CNTNAP5: variants seen among roughly 807,000 people sequenced by gnomAD.
The protein encoded by CNTNAP5 is contactin-associated protein-like 5.
A neutral mutation model predicts 150.2 loss-of-function variants in CNTNAP5; 72 were observed. The ratio of observed to expected loss-of-function variants is 0.48; its 90% CI spans 0.40 to 0.58. CNTNAP5 has a LOEUF of 0.58. CNTNAP5 is among the 20% of genes least tolerant of loss of function. The probability of loss-of-function intolerance (pLI) is 0.00; values close to 1 mark genes in which losing one functional copy is unlikely to be tolerated. For missense variants in CNTNAP5, 1,636 were observed against 1,626.2 expected (o/e 1.01, Z -0.10); for synonymous variants, 672 against 619.8 (o/e 1.08, Z -1.25).
At chr2:124,410,729 A>G (rs1236864401) in intron 3 of CNTNAP5, among the ~76,000 whole-genome samples, 1 of 151,682 alleles carries the variant, frequency 6.6e-6, no homozygotes, top group Non-Finnish European at 1.5e-5. Flanking sequence ...CATTCAGAGC[A>G]GTGTGTAGAG....
In CNTNAP5 at chr2:124,025,387, G is replaced by T; in HGVS notation, c.-264G>T. ...TGGATTTGCACCGTTAAGGAGGGGG[G>T]AAGAGAAGGAAGAGGCGGGCGAGGA... On this transcript the variant is annotated 5_prime_UTR_variant, in exon 1 of 24. Transcript: ENST00000682447. 1 of 531,688 alleles carries T rather than the reference G, an allele frequency of 1.9e-6. No individual in the cohort carries two copies. Among genetic ancestry groups the T allele is most frequent in the East Asian group, 3.3e-5 (1 of 30,490 alleles). 32.9% of individuals were successfully genotyped at this position (531,688 alleles called of 1,614,324 possible).
rs1160207751 is a variant in CNTNAP5 at position 124,917,174 on chromosome 2, C to G, written c.*2886C>G. ...TTTCCCAACTACATGCTCTGGCCAACTGGGCCACCATGATCTCTTCCACTT... is the reference window on the plus strand; with the variant it reads ...TTTCCCAACTACATGCTCTGGCCAAGTGGGCCACCATGATCTCTTCCACTT... On this transcript the variant is annotated 3_prime_UTR_variant, in exon 24 of 24. Transcript: ENST00000682447. Among the ~76,000 whole-genome samples, 5 of 151,968 alleles carry G rather than the reference C, an allele frequency of 3.3e-5. No homozygotes were observed. Among genetic ancestry groups the G allele is most frequent in the Admixed American group, 3.3e-4 (5 of 15,234 alleles).
chr2:124,614,220 C>T (rs1249079717), intron 12 of CNTNAP5, among the ~76,000 whole-genome samples: 2 of 152,084 alleles, frequency 1.3e-5, no homozygotes, highest in African/African-American at 2.4e-5. Context: ...GGTTTTATTT[C>T]ACACCACTGC....
intron 17 of CNTNAP5, among the ~76,000 whole-genome samples, chr2:124,780,239 G>A (rs967222645): frequency 6.6e-6 from 1 of 152,146 alleles, no homozygotes; most frequent in Non-Finnish European, 1.5e-5. Context: ...TCTTAAATAA[G>A]AATGGCAAGC....
At chr2:124,097,540 G>A (rs766311709) in intron 1 of CNTNAP5, among the ~76,000 whole-genome samples, 1 of 152,122 alleles carries the variant, frequency 6.6e-6, no homozygotes, top group Non-Finnish European at 1.5e-5. Context: ...CCACTGTAAG[G>A]ACATGCTGGC....
chr2:124,615,350 T>C (rs907154019), intron 12 of CNTNAP5, among the ~76,000 whole-genome samples: 1 of 152,248 alleles, frequency 6.6e-6, no homozygotes, highest in Non-Finnish European at 1.5e-5. Flanking sequence ...GCTTGTGGAA[T>C]ATTCTAAACC....
intron 1 of CNTNAP5, among the ~76,000 whole-genome samples, chr2:124,215,163 C>A (rs551382666): frequency 2.2e-4 from 33 of 152,098 alleles, no homozygotes; most frequent in Non-Finnish European, 2.9e-4. Flanking sequence ...ACAAAGTAGG[C>A]TATTAAGTGT....
intron 1 of CNTNAP5, among the ~76,000 whole-genome samples, chr2:124,093,681 G>A (rs906981686): frequency 1.3e-5 from 2 of 152,116 alleles, no homozygotes; most frequent in Admixed American, 6.5e-5. Context: ...TGCAAATCTC[G>A]ACCTTGAACT....
chr2:124,385,401 A>G (rs1178099944), intron 3 of CNTNAP5, among the ~76,000 whole-genome samples: 6 of 152,160 alleles, frequency 3.9e-5, no homozygotes, highest in Non-Finnish European at 8.8e-5. Flanking sequence ...CATGCCTATT[A>G]TCTCTGGCAC....
intron 13 of CNTNAP5, among the ~76,000 whole-genome samples, chr2:124,683,971 G>A (rs1281933350): frequency 6.6e-6 from 1 of 152,124 alleles, no homozygotes; most frequent in Non-Finnish European, 1.5e-5. Context: ...TCCGCACAAG[G>A]CCTGGGGATG....
chr2:124,845,079 A>G (rs942842779), intron 19 of CNTNAP5, among the ~76,000 whole-genome samples: 38 of 151,930 alleles, frequency 2.5e-4, no homozygotes, highest in Admixed American at 2.2e-3. Context: ...AATACTTTCA[A>G]TTTTTCCTCA....
chr2:124,517,046 AT>A (rs766414644), intron 8 of CNTNAP5, among the ~76,000 whole-genome samples: 32 of 152,022 alleles, frequency 2.1e-4, no homozygotes, highest in Non-Finnish European at 4.0e-4. Context: ...GGTGATGGGG[AT>A]TTGTAGTGTT....
chr2:124,881,254 C>T (rs1677958320), intron 21 of CNTNAP5, among the ~76,000 whole-genome samples: 1 of 152,002 alleles, frequency 6.6e-6, no homozygotes, highest in South Asian at 2.1e-4. Flanking sequence ...TATGCTAATG[C>T]CTAACCTTTG....
chr2:124,275,122 A>G (rs1232242742), intron 3 of CNTNAP5, among the ~76,000 whole-genome samples: 1 of 152,108 alleles, frequency 6.6e-6, no homozygotes, highest in African/African-American at 2.4e-5. Flanking sequence ...CATATTCACT[A>G]TCATGAGAAC....
intron 3 of CNTNAP5, among the ~76,000 whole-genome samples, chr2:124,319,205 T>C (rs1298262222): frequency 6.6e-6 from 1 of 152,236 alleles, no homozygotes; most frequent in African/African-American, 2.4e-5. Context: ...TTTCTGTAAG[T>C]GGCTTTTCCT....
At chr2:124,027,363 C>A (rs1212200839) in intron 1 of CNTNAP5, among the ~76,000 whole-genome samples, 1 of 152,178 alleles carries the variant, frequency 6.6e-6, no homozygotes, top group Non-Finnish European at 1.5e-5. Flanking sequence ...AGCAAGCTAG[C>A]TGTGTTTTCC....
chr2:124,186,751 T>C (rs776390655), intron 1 of CNTNAP5, among the ~76,000 whole-genome samples: 148 of 130,738 alleles, frequency 1.1e-3, no homozygotes, highest in Non-Finnish European at 2.1e-3. Flanking sequence ...CCAAATTAAA[T>C]AAGCTTCATG....
chr2:124,637,153 A>T (rs1373790729), intron 12 of CNTNAP5, among the ~76,000 whole-genome samples: 1 of 152,120 alleles, frequency 6.6e-6, no homozygotes, highest in Non-Finnish European at 1.5e-5. Context: ...GTTTTATAGC[A>T]GTGTCTATTT....
rs1471320482 is a variant in CNTNAP5, at chr2:124,919,693, T to A, written c.*5405T>A. ...ATATCATGGGCTTTGCATGAATAAT[T>A]CTTTACTCACATTTGCATGATTTTT... On this transcript the variant is annotated 3_prime_UTR_variant, in exon 24 of 24. Coordinates refer to ENST00000682447, the MANE Select transcript of CNTNAP5 (RefSeq NM_001367498.1). Among the ~76,000 whole-genome samples, 1 of 151,874 alleles carries A rather than the reference T, an allele frequency of 6.6e-6. No individual in the cohort carries two copies. Among genetic ancestry groups the A allele is most frequent in the African/African-American group, 2.4e-5 (1 of 41,358 alleles).
Sources: gnomAD v4.1 joint callset for allele counts (sites outside exome capture counted in the v4.1 genomes callset) on GRCh38, gnomAD v4.1.1 for gene constraint, MANE v1.5 for transcripts, NCBI Gene and HGNC (gene_info 2026-07-23, HGNC 2026-07-21) for gene names.